The following SYTL2 variants were observed in gnomAD, a reference collection of about 807,000 sequenced individuals.
SYTL2 encodes the protein synaptotagmin like 2.
Under a neutral mutation model 198.7 loss-of-function variants are expected in SYTL2, and 165 were observed. The ratio of observed to expected loss-of-function variants is 0.83; its 90% CI spans 0.73 to 0.94. SYTL2 has a LOEUF of 0.94. Among genes scored for constraint, SYTL2 ranks in the 40% least tolerant of loss-of-function variants. The probability of loss-of-function intolerance (pLI) is 0.00; values close to 1 mark genes in which losing one functional copy is unlikely to be tolerated. For synonymous variants in SYTL2, 966 were observed against 917.7 expected, an observed-to-expected ratio of 1.05 and a Z score of -0.95; for missense variants, 2,835 against 2,582.8, an observed-to-expected ratio of 1.10 and a Z score of -2.12.
At chr11:85,808,017 A>G (rs890586353) in intron 1 of SYTL2, among the ~76,000 whole-genome samples, 2 of 152,122 alleles carry the variant, frequency 1.3e-5, no homozygotes, top group Admixed American at 6.5e-5. Context: ...GGAACGCTAT[A>G]TCCCAAGTTT....
At chr11:85,704,109 T>C (rs1475104748) in intron 16 of SYTL2, among the ~76,000 whole-genome samples, 1 of 151,918 alleles carries the variant, frequency 6.6e-6, no homozygotes, top group Non-Finnish European at 1.5e-5. Flanking sequence ...AAGAGACAAA[T>C]ATTTTAAGAC....
At chr11:85,817,847 C>A in the SYTL2 span, among the ~76,000 whole-genome samples, 1 of 151,374 alleles carries the variant, frequency 6.6e-6, no homozygotes, top group Non-Finnish European at 1.5e-5. Flanking sequence ...TTGCTACTGA[C>A]TGGGGTTTTT....
chr11:85,720,992 A>T, intron 8 of SYTL2, 33 bp from the exon 9 acceptor site: 1 of 1,304,944 alleles, frequency 7.7e-7, no homozygotes, highest in South Asian at 1.3e-5. Flanking sequence ...AACACTGCAC[A>T]ATACCAAAAA....
intron 1 of SYTL2, among the ~76,000 whole-genome samples, chr11:85,760,050 G>C (rs925849555): frequency 1.3e-5 from 2 of 152,184 alleles, no homozygotes; most frequent in Non-Finnish European, 1.5e-5. Context: ...TTGGCCAATG[G>C]AATGTTAGCA....
At chr11:85,705,140 G>T (rs2084928988) in intron 15 of SYTL2, 112 bp from the exon 16 acceptor site, 2 of 730,848 alleles carry the variant, frequency 2.7e-6, no homozygotes, top group South Asian at 2.6e-5. Flanking sequence ...TTATCTGTTA[G>T]GTTTCGAGTC....
chr11:85,737,491 C>T, intron 5 of SYTL2, 84 bp downstream of exon 5: 3 of 1,086,450 alleles, frequency 2.8e-6, no homozygotes, highest in Non-Finnish European at 2.7e-6. Flanking sequence ...ACAAAATTCT[C>T]TTTATTTTGT....
In SYTL2 at chr11:85,724,700, T is replaced by C; in HGVS notation, c.4658A>G (p.Lys1553Arg). The C allele has an allele frequency of 6.2e-7, 1 of 1,613,810 alleles. No individual in the cohort carries two copies. Among genetic ancestry groups the C allele is most frequent in the Non-Finnish European group, 8.5e-7 (1 of 1,179,838 alleles). ...CTCAGTTATTAACGGAGCCTCGGCC[T>C]TTTCTACTGTTTCTTTTAATTCCTC... is the stretch of plus-strand genomic sequence containing the variant. ...HPEELKETVEKAEAPLITESA... is the reference protein window; with the variant it reads ...HPEELKETVERAEAPLITESA... Residue 1553 changes from lysine to arginine, a missense_variant, in exon 8 of 20, where the codon AAG (lysine) becomes AGG (arginine). Around this residue, in one of 3 missense-constraint regions of SYTL2, gnomAD observed 2,645 missense variants for 2,381.7 expected, o/e 1.11. Coordinates refer to ENST00000359152, the MANE Select transcript of SYTL2 (RefSeq NM_206927.4).
intron 1 of SYTL2, among the ~76,000 whole-genome samples, chr11:85,797,282 G>A (rs1237430997): frequency 6.6e-6 from 1 of 152,162 alleles, no homozygotes; most frequent in Non-Finnish European, 1.5e-5. Flanking sequence ...TATTGTATGT[G>A]AAAACATTTT....
chr11:85,725,546 G>A lies in SYTL2; in HGVS notation c.3812C>T (p.Pro1271Leu). 1.9e-6 allele frequency: 3 copies of A among 1,614,032 alleles called. No homozygotes were observed. The highest frequency in any genetic ancestry group is 2.5e-6 in the Non-Finnish European group (3 of 1,179,988). ...ADKREILAPF[P>L]VRDETFGNTA... ...ATTTCCAAAAGTTTCATCTCTCACT[G>A]GAAAAGGAGCTAGTATTTCTCTCTT... The change falls in exon 8 of 20, where the codon CCA (proline) becomes CTA (leucine). Residue 1271 changes from proline (P) to leucine (L), a missense_variant. Transcript: ENST00000359152.
rs1256903003 is a variant in SYTL2, at chr11:85,727,695, A to AT, written c.1662dup (p.Ser555IlefsTer6). ...GTCACCAAGTCAACAGCAACCTGTG[A>AT]TTTTGAGTCTGTTTTTTCTTTGGAC... On this transcript the variant is annotated frameshift_variant, in exon 8 of 20. Coordinates refer to ENST00000359152, the MANE Select transcript of SYTL2 (RefSeq NM_206927.4). LOFTEE classifies it high-confidence loss of function. 1 of 1,543,780 alleles carries AT rather than the reference A, an allele frequency of 6.5e-7. No individual in the cohort carries two copies. The highest frequency in any genetic ancestry group is 8.7e-7 in the Non-Finnish European group (1 of 1,146,970).
rs1421770693 is a variant in SYTL2, at chr11:85,726,914, G to A, written c.2444C>T (p.Ser815Phe). The A allele has an allele frequency of 2.6e-6, 4 of 1,536,408 alleles. No homozygotes were observed. The highest frequency in any genetic ancestry group is 3.5e-6 in the Non-Finnish European group (4 of 1,146,938). Residue 815 changes from serine (S) to phenylalanine (F), a missense_variant, in exon 8 of 20, where the codon TCT becomes TTT. Around this residue, in one of 3 missense-constraint regions of SYTL2, gnomAD observed 2,645 missense variants for 2,381.7 expected, o/e 1.11. Coordinates refer to ENST00000359152, the MANE Select transcript of SYTL2 (RefSeq NM_206927.4). ...AGAAGGTTGTTCCTGGCTACATGAA[G>A]ATGTGGGTTTTTCATGAGTTATCTT... ...GAKITHEKPT[S>F]SCSQEQPSAK...
At chr11:85,831,903 A>G in the SYTL2 span, among the ~76,000 whole-genome samples, 2 of 146,056 alleles carry the variant, frequency 1.4e-5, no homozygotes, top group Non-Finnish European at 3.1e-5. Context: ...ATTTTGACAT[A>G]GGTATACATC....
chr11:85,824,967 G>T, the SYTL2 span, among the ~76,000 whole-genome samples: 1 of 152,190 alleles, frequency 6.6e-6, no homozygotes, highest in African/African-American at 2.4e-5. Flanking sequence ...TAGCTGCTAC[G>T]TCCATCCCTA....
chr11:85,839,041 T>C, the SYTL2 span, among the ~76,000 whole-genome samples: 1 of 152,224 alleles, frequency 6.6e-6, no homozygotes, highest in Non-Finnish European at 1.5e-5. Context: ...GTTGGGCCTT[T>C]TTAAATTTAA....
At position 85,725,911 on chromosome 11, in the gene SYTL2, T is replaced by A. The variant is rs1218547429; in HGVS notation, c.3447A>T (p.Gln1149His). 3 of 1,614,004 alleles carry A rather than the reference T, an allele frequency of 1.9e-6. No individual in the cohort carries two copies. Among genetic ancestry groups the A allele is most frequent in the African/African-American group, 2.7e-5 (2 of 74,928 alleles). ...LLSETSTPAI[Q>H]PSGGKVHGKQ... ...TTCCATGAACTTTTCCACCAGAGGGTTGAATTGCTGGTGTTGAGGTTTCTG... is the reference window on the plus strand; with the variant it reads ...TTCCATGAACTTTTCCACCAGAGGGATGAATTGCTGGTGTTGAGGTTTCTG... The change falls in exon 8 of 20, where the codon CAA (glutamine) becomes CAT (histidine). Residue 1149 changes from glutamine to histidine, a missense_variant. By Grantham distance (24) the Gln-to-His change is conservative. Transcript: ENST00000359152.
In SYTL2 at chr11:85,707,976, CCACA is replaced by C. The variant is rs374898366; in HGVS notation, c.5916-449_5916-446del. 14 of 96,672 alleles carry C rather than the reference CCACA, an allele frequency of 1.4e-4. 1 individual carries two copies. Among genetic ancestry groups the C allele is most frequent in the South Asian group, 1.3e-3 (8 of 6,006 alleles). The allele number at this position is 96,672 out of a possible 1,614,324, so 6.0% of individuals were successfully genotyped here. A position where few individuals can be genotyped will look rare whatever the true frequency, so the allele number is the denominator to read the frequency against. ...GGTCTCAAAAAAAAAAAAAAAAAAA[CCACA>C]CACACACACACACACACACACAGAG... On this transcript the variant is annotated intron_variant, in intron 14 of 19. Coordinates refer to ENST00000359152, the MANE Select transcript of SYTL2 (RefSeq NM_206927.4).
At chr11:85,820,022 G>A in the SYTL2 span, among the ~76,000 whole-genome samples, 30 of 152,310 alleles carry the variant, frequency 2.0e-4, 1 homozygote, top group South Asian at 6.2e-3. Flanking sequence ...ACAAAGCGCA[G>A]ATCATTTCAT....
At chr11:85,802,788 T>C (rs2092909798) in intron 1 of SYTL2, among the ~76,000 whole-genome samples, 1 of 152,204 alleles carries the variant, frequency 6.6e-6, no homozygotes, top group Non-Finnish European at 1.5e-5. Context: ...AGAAAATGAA[T>C]GCAATTTTTG....
At chr11:85,773,676 G>A (rs2153583494) in intron 1 of SYTL2, among the ~76,000 whole-genome samples, 1 of 152,268 alleles carries the variant, frequency 6.6e-6, no homozygotes, top group East Asian at 1.9e-4. Context: ...TGGTGATATT[G>A]TTCCAAATTC....
Sources: gnomAD v4.1 joint callset for allele counts (sites outside exome capture counted in the v4.1 genomes callset) on GRCh38, gnomAD v4.1.1 for gene constraint, gnomAD v4.1.1 regional missense constraint, MANE v1.5 for transcripts, NCBI Gene and HGNC (gene_info 2026-07-23, HGNC 2026-07-21) for gene names.